The following PKHD1 variants were observed in gnomAD, a reference collection of about 807,000 sequenced individuals.
The protein encoded by PKHD1 is PKHD1 ciliary IPT domain containing fibrocystin/polyductin.
A neutral mutation model predicts 412.0 loss-of-function variants in PKHD1; 291 were observed. That is an observed-to-expected ratio of 0.71 (90% confidence interval 0.64 to 0.78). The LOEUF (loss-of-function observed/expected upper bound fraction) is 0.78. PKHD1 is among the 30% of genes least tolerant of loss of function. The probability of loss-of-function intolerance (pLI) is 0.00; values close to 1 mark genes in which losing one functional copy is unlikely to be tolerated. For missense variants in PKHD1, 4,825 were observed against 4,950.7 expected (o/e 0.97, Z 0.76); for synonymous variants, 1,777 against 1,821.5 (o/e 0.98, Z 0.62).
intron 52 of PKHD1, among the ~76,000 whole-genome samples, chr6:51,792,969 A>G (rs1253342328): frequency 1.3e-5 from 2 of 152,194 alleles, no homozygotes; most frequent in Non-Finnish European, 2.9e-5. Context: ...TGTGATTATG[A>G]CTTCCTCTCC....
intron 37 of PKHD1, among the ~76,000 whole-genome samples, chr6:51,930,006 A>G (rs896508834): frequency 2.6e-5 from 4 of 152,202 alleles, no homozygotes; most frequent in African/African-American, 9.6e-5. Context: ...AACAATCAAT[A>G]AAAGCTCCAC....
chr6:51,659,314 A>G lies in PKHD1; in HGVS notation c.10812T>C (p.His3604=). Reference sequence around the variant, plus strand: ...CAGCAATGGCCTTTAAGGTCTCTTCATGGCCAGGCATCTCGTGAATAAACC... The same window carrying G: ...CAGCAATGGCCTTTAAGGTCTCTTCGTGGCCAGGCATCTCGTGAATAAACC... ...QIRFIHEMPG[H]EETLKAIADS... The change falls in exon 61 of 67, where the codon CAT becomes CAC. Residue 3604 remains histidine, a synonymous_variant. Transcript: ENST00000371117. 1 of 1,613,856 alleles carries G rather than the reference A, an allele frequency of 6.2e-7. No individual in the cohort carries two copies. Among genetic ancestry groups the G allele is most frequent in the Non-Finnish European group, 8.5e-7 (1 of 1,179,890 alleles).
intron 43 of PKHD1, among the ~76,000 whole-genome samples, chr6:51,887,715 G>A (rs1778443177): frequency 6.6e-6 from 1 of 152,136 alleles, no homozygotes; most frequent in African/African-American, 2.4e-5. Context: ...CCTGAGACCT[G>A]AGACCTCCCC....
chr6:51,763,418 T>C (rs1319813175), intron 55 of PKHD1, among the ~76,000 whole-genome samples: 1 of 152,232 alleles, frequency 6.6e-6, no homozygotes, highest in South Asian at 2.1e-4. Flanking sequence ...TAGCTCAGAC[T>C]CCAAATGAGG....
At chr6:52,030,399 A>C (rs1802861900) in intron 29 of PKHD1, among the ~76,000 whole-genome samples, 1 of 152,104 alleles carries the variant, frequency 6.6e-6, no homozygotes, top group Non-Finnish European at 1.5e-5. Flanking sequence ...AAAAGGCCTT[A>C]ATTAACTTCA....
intron 66 of PKHD1, among the ~76,000 whole-genome samples, chr6:51,625,464 T>A (rs17740067): frequency 0.03 from 4,638 of 152,254 alleles, 96 homozygotes; most frequent in African/African-American, 0.051. Context: ...AGGAAACAAA[T>A]CTGCTGTGAT....
At position 52,056,892 on chromosome 6, in the gene PKHD1, G is replaced by C. The variant is rs1391348409; in HGVS notation, c.1600C>G (p.Leu534Val). 1 of 1,611,768 alleles carries C rather than the reference G, an allele frequency of 6.2e-7. No individual in the cohort carries two copies. Among genetic ancestry groups the C allele is most frequent in the South Asian group, 1.1e-5 (1 of 91,050 alleles). ...QPIPANATAH[L>V]IQTTIEELLA... ...CATTTTTTGAAGAAGTCTCCCACCA[G>C]ATGGGCTGTGGCATTTGCAGGGATT... is the stretch of plus-strand genomic sequence containing the variant. Residue 534 changes from leucine (L) to valine (V), a missense_variant and splice_region_variant, in exon 17 of 67, where the codon CTG becomes GTG. Physicochemically the swap from Leu to Val is conservative, Grantham distance 32 (BLOSUM62 1). Transcript: ENST00000371117.
chr6:51,922,521 T>C (rs1784856919), intron 37 of PKHD1, among the ~76,000 whole-genome samples: 1 of 152,248 alleles, frequency 6.6e-6, no homozygotes, highest in Admixed American at 6.5e-5. Flanking sequence ...TGCTGCCTTT[T>C]GTTCAGCTAT....
At chr6:51,753,420 A>T in intron 56 of PKHD1, 67 bp from the exon 57 acceptor site, 2 of 1,269,912 alleles carry the variant, frequency 1.6e-6, no homozygotes, top group Non-Finnish European at 2.3e-6. Flanking sequence ...CTAGCTGGGG[A>T]CCCAGCAAAC....
intron 60 of PKHD1, among the ~76,000 whole-genome samples, chr6:51,740,535 A>G (rs945094344): frequency 6.6e-6 from 1 of 152,238 alleles, no homozygotes; most frequent in Non-Finnish European, 1.5e-5. Flanking sequence ...AGTGGTCTCC[A>G]TCTTCACCTT....
chr6:51,710,115 C>A (rs9474058), intron 60 of PKHD1, among the ~76,000 whole-genome samples: 1 of 151,916 alleles, frequency 6.6e-6, no homozygotes, highest in Non-Finnish European at 1.5e-5. Flanking sequence ...GAAGCTGAGG[C>A]GGGAGAATTG....
intron 12 of PKHD1, 110 bp from the exon 13 acceptor site, chr6:52,065,160 TATATATATAGAGAGAGAGAG>T (rs1348630583): frequency 1.4e-5 from 1 of 72,798 alleles, no homozygotes. Context: ...TATATATATA[TATATATATAGAGAGAGAGAG>T]AGAGAGAGAG....
intron 52 of PKHD1, among the ~76,000 whole-genome samples, chr6:51,808,437 T>TA (rs1374144321): frequency 1.3e-5 from 2 of 152,074 alleles, no homozygotes; most frequent in Non-Finnish European, 2.9e-5. Context: ...TAAAATCTTT[T>TA]AAAAAATTGA....
At chr6:51,790,327 T>G (rs1421191963) in intron 53 of PKHD1, among the ~76,000 whole-genome samples, 1 of 152,202 alleles carries the variant, frequency 6.6e-6, no homozygotes, top group Non-Finnish European at 1.5e-5. Flanking sequence ...GTTCTAAGTA[T>G]ATAGTCTACC....
chr6:51,770,128 A>G (rs1789823121), intron 55 of PKHD1, among the ~76,000 whole-genome samples: 1 of 151,608 alleles, frequency 6.6e-6, no homozygotes, highest in South Asian at 2.1e-4. Flanking sequence ...ACCTTTTTTA[A>G]CCTAATTAAA....
At chr6:51,769,135 TC>T (rs1433015751) in intron 55 of PKHD1, among the ~76,000 whole-genome samples, 1 of 151,488 alleles carries the variant, frequency 6.6e-6, no homozygotes, top group African/African-American at 2.4e-5. Flanking sequence ...TTCTCAGTTT[TC>T]TTTTTTGAGT....
At chr6:51,769,100 AT>A (rs61327749) in intron 55 of PKHD1, among the ~76,000 whole-genome samples, 27,866 of 151,128 alleles carry the variant, frequency 0.18, 3,375 homozygotes, top group African/African-American at 0.34. Flanking sequence ...TTTATTTATG[AT>A]TTTTTACATT....
At chr6:51,802,801 C>G (rs1273571632) in intron 52 of PKHD1, among the ~76,000 whole-genome samples, 4 of 150,992 alleles carry the variant, frequency 2.6e-5, no homozygotes, top group Non-Finnish European at 1.5e-5. Flanking sequence ...CTTTTTGTCT[C>G]TGCTTGACAC....
intron 60 of PKHD1, among the ~76,000 whole-genome samples, chr6:51,670,150 T>C (rs1774664313): frequency 6.8e-6 from 1 of 146,124 alleles, no homozygotes; most frequent in Non-Finnish European, 1.5e-5. Context: ...AGTGGGGTGT[T>C]AAAGTCTCCC....
Sources: allele counts gnomAD v4.1 joint callset (sites outside exome capture counted in the v4.1 genomes callset), GRCh38; gene constraint gnomAD v4.1.1; transcripts MANE v1.5; gene names NCBI Gene and HGNC (gene_info 2026-07-23, HGNC 2026-07-21).